The following EYS variants were observed in gnomAD, a reference collection of about 807,000 sequenced individuals.
EYS encodes the protein protein eyes shut homolog.
EYS carries 250 observed loss-of-function variants against 282.1 expected under a neutral mutation model. The observed-to-expected ratio is 0.89, with a 90% CI of 0.80 to 0.98. EYS has a LOEUF of 0.98. EYS is among the 50% of genes least tolerant of loss of function. The pLI is 0.00. For synonymous variants in EYS, 1,355 were observed against 1,282.9 expected (o/e 1.06, Z -1.20); for missense variants, 4,016 against 3,709.0 (o/e 1.08, Z -2.15).
At chr6:65,030,153 T>C (rs539703787) in intron 13 of EYS, among the ~76,000 whole-genome samples, 17 of 152,154 alleles carry the variant, frequency 1.1e-4, no homozygotes, top group Non-Finnish European at 1.9e-4. Context: ...TTGATGACTG[T>C]CAGACCTGGA....
chr6:64,825,981 A>G (rs1018553185), intron 19 of EYS, among the ~76,000 whole-genome samples: 3 of 151,888 alleles, frequency 2.0e-5, no homozygotes, highest in Admixed American at 6.6e-5. Flanking sequence ...ATAGGATAAC[A>G]ATGCTTTGAC....
At chr6:63,995,505 A>T (rs1363083925) in intron 34 of EYS, among the ~76,000 whole-genome samples, 1 of 152,044 alleles carries the variant, frequency 6.6e-6, no homozygotes, top group Non-Finnish European at 1.5e-5. Flanking sequence ...TTTCTCAAAA[A>T]ATTAAAAATA....
chr6:64,466,088 A>T (rs1177342454), intron 26 of EYS, among the ~76,000 whole-genome samples: 2 of 152,174 alleles, frequency 1.3e-5, no homozygotes, highest in Non-Finnish European at 2.9e-5. Context: ...ATTATCTAAA[A>T]GATGAAAGAT....
intron 2 of EYS, among the ~76,000 whole-genome samples, chr6:65,587,177 G>A (rs1484037794): frequency 6.6e-6 from 1 of 151,972 alleles, no homozygotes; most frequent in Non-Finnish European, 1.5e-5. Flanking sequence ...TTGCTGCCAT[G>A]TATAACACTA....
intron 12 of EYS, among the ~76,000 whole-genome samples, chr6:65,189,211 T>C (rs1765585180): frequency 6.6e-6 from 1 of 151,696 alleles, no homozygotes; most frequent in Admixed American, 6.6e-5. Flanking sequence ...ATATGTATTA[T>C]AAATCAGTGT....
intron 33 of EYS, among the ~76,000 whole-genome samples, chr6:64,001,117 C>T (rs533840081): frequency 3.4e-4 from 52 of 152,312 alleles, no homozygotes; most frequent in African/African-American, 9.6e-4. Context: ...TGAGATAATC[C>T]GTTGACTGGC....
At chr6:65,238,919 T>C (rs1457009354) in intron 12 of EYS, among the ~76,000 whole-genome samples, 1 of 152,004 alleles carries the variant, frequency 6.6e-6, no homozygotes, top group East Asian at 1.9e-4. Context: ...AATATAAAAT[T>C]ACAATCATAT....
intron 12 of EYS, among the ~76,000 whole-genome samples, chr6:65,288,070 A>G (rs1768419477): frequency 6.6e-6 from 1 of 151,248 alleles, no homozygotes; most frequent in Non-Finnish European, 1.5e-5. Context: ...TAGTTGTTAA[A>G]TAAAATGAAA....
intron 9 of EYS, among the ~76,000 whole-genome samples, chr6:65,346,308 T>G (rs1435090289): frequency 1.3e-5 from 2 of 150,898 alleles, no homozygotes; most frequent in African/African-American, 4.9e-5. Flanking sequence ...TAAACAGTAT[T>G]TACAGAAAAC....
chr6:64,606,148 T>C (rs1766926898), intron 24 of EYS, among the ~76,000 whole-genome samples: 1 of 151,992 alleles, frequency 6.6e-6, no homozygotes, highest in Non-Finnish European at 1.5e-5. Context: ...TAAATAGTTG[T>C]TAGAATCTAA....
intron 11 of EYS, chr6:65,330,243 C>A (rs1464229520): frequency 9.5e-6 from 9 of 951,644 alleles, no homozygotes; most frequent in Non-Finnish European, 1.0e-5. Context: ...TGAAAAATAT[C>A]TTCCAGTTAG....
chr6:64,117,656 TA>T (rs939702858), intron 31 of EYS, among the ~76,000 whole-genome samples: 6 of 146,260 alleles, frequency 4.1e-5, no homozygotes, highest in East Asian at 2.0e-4. Flanking sequence ...GAATGAATAG[TA>T]AAAAAAAAAT....
intron 15 of EYS, among the ~76,000 whole-genome samples, chr6:64,932,978 T>A (rs933785489): frequency 1.3e-5 from 2 of 152,022 alleles, no homozygotes; most frequent in African/African-American, 4.8e-5. Flanking sequence ...ATTTAAAATG[T>A]CAAGTTACCA....
chr6:64,637,124 C>T (rs980018435), intron 22 of EYS, among the ~76,000 whole-genome samples: 2 of 100,862 alleles, frequency 2.0e-5, no homozygotes, highest in African/African-American at 3.8e-5. Context: ...AATCATGCTG[C>T]TATAAAGACA....
intron 41 of EYS, among the ~76,000 whole-genome samples, chr6:63,731,245 G>A (rs1030965498): frequency 1.3e-5 from 2 of 152,064 alleles, no homozygotes; most frequent in African/African-American, 4.8e-5. Flanking sequence ...TAAGTTTTTA[G>A]CAGTCATAAT....
chr6:64,864,059 G>C (rs1766334736), intron 19 of EYS, among the ~76,000 whole-genome samples: 1 of 152,080 alleles, frequency 6.6e-6, no homozygotes, highest in African/African-American at 2.4e-5. Flanking sequence ...ACATCAGTTT[G>C]TAGGTCCATT....
chr6:65,152,813 T>A (rs1018640922), intron 12 of EYS, among the ~76,000 whole-genome samples: 1 of 151,574 alleles, frequency 6.6e-6, no homozygotes, highest in Non-Finnish European at 1.5e-5. Flanking sequence ...AAAATGATAA[T>A]TTTAATATTA....
At chr6:64,251,475 C>T (rs926667471) in intron 30 of EYS, among the ~76,000 whole-genome samples, 3 of 152,044 alleles carry the variant, frequency 2.0e-5, no homozygotes, top group African/African-American at 4.8e-5. Flanking sequence ...AAGGGGGATT[C>T]ACTTCAAAGA....
At chr6:64,258,889 A>G (rs1767490545) in intron 30 of EYS, among the ~76,000 whole-genome samples, 1 of 152,022 alleles carries the variant, frequency 6.6e-6, no homozygotes, top group South Asian at 2.1e-4. Context: ...TTGTCAGCCA[A>G]ATATCTAGAT....
Sources: gnomAD v4.1 joint callset for allele counts (sites outside exome capture counted in the v4.1 genomes callset) on GRCh38, gnomAD v4.1.1 for gene constraint, MANE v1.5 for transcripts, NCBI Gene and HGNC (gene_info 2026-07-23, HGNC 2026-07-21) for gene names.